The following COL27A1 variants were observed in gnomAD, a reference collection of about 807,000 sequenced individuals.
COL27A1 encodes collagen type XXVII alpha 1 chain.
In COL27A1, 106 loss-of-function variants were observed where a neutral mutation model predicts 251.3. The observed-to-expected ratio is 0.42, with a 90% CI of 0.36 to 0.50. The LOEUF is 0.50. Among genes scored for constraint, COL27A1 ranks in the 20% least tolerant of loss-of-function variants. The probability of loss-of-function intolerance (pLI) is 0.00; values close to 1 mark genes in which losing one functional copy is unlikely to be tolerated. For missense variants in COL27A1, 2,325 were observed against 2,522.8 expected, an observed-to-expected ratio of 0.92 and a Z score of 1.68; for synonymous variants, 1,000 against 986.3, an observed-to-expected ratio of 1.01 and a Z score of -0.26.
chr9:114,222,113 T>C (rs1054315183), intron 13 of COL27A1, 110 bp from the exon 14 acceptor site: 5 of 895,594 alleles, frequency 5.6e-6, no homozygotes, highest in Non-Finnish European at 9.2e-6. Context: ...GAATAAGGAG[T>C]GTTCAGCTCT....
intron 1 of COL27A1, among the ~76,000 whole-genome samples, chr9:114,160,240 C>T (rs543269234): frequency 3.3e-5 from 5 of 151,836 alleles, no homozygotes; most frequent in East Asian, 3.9e-4. Flanking sequence ...CTGCAAGCTC[C>T]GCCTCCTGGG....
At chr9:114,302,639 A>G (rs1337871096) in intron 56 of COL27A1, among the ~76,000 whole-genome samples, 1 of 150,806 alleles carries the variant, frequency 6.6e-6, no homozygotes. Context: ...ACCCGGGAGG[A>G]GGAGGCTGCA....
chr9:114,240,375 C>T, intron 20 of COL27A1, 59 bp from the exon 21 acceptor site: 1 of 1,596,124 alleles, frequency 6.3e-7, no homozygotes, highest in Admixed American at 1.7e-5. Context: ...GCCTTGCCAG[C>T]CTGCGATGGA....
At chr9:114,267,065 G>A (rs1834798373) in intron 33 of COL27A1, among the ~76,000 whole-genome samples, 1 of 152,172 alleles carries the variant, frequency 6.6e-6, no homozygotes, top group African/African-American at 2.4e-5. Context: ...TTTATGCAAG[G>A]GCTGCAGCCA....
At chr9:114,241,732 A>G (rs1233461304) in intron 21 of COL27A1, among the ~76,000 whole-genome samples, 1 of 152,226 alleles carries the variant, frequency 6.6e-6, no homozygotes, top group Non-Finnish European at 1.5e-5. Context: ...GGTGGCTGCA[A>G]GAAAGAATAA....
intron 27 of COL27A1, among the ~76,000 whole-genome samples, chr9:114,253,285 GAGAC>G (rs1034950468): frequency 1.9e-5 from 2 of 102,700 alleles, no homozygotes; most frequent in Non-Finnish European, 3.6e-5. Flanking sequence ...AAGAAAGAAA[GAGAC>G]AGAGAAAAAG....
intron 37 of COL27A1, among the ~76,000 whole-genome samples, chr9:114,276,100 T>C (rs996536026): frequency 1.3e-5 from 2 of 152,180 alleles, no homozygotes; most frequent in Admixed American, 6.5e-5. Flanking sequence ...GGCCTTTGCA[T>C]GTGCTCTGTC....
At position 114,290,400 on chromosome 9, in the gene COL27A1, C is replaced by A. The variant is rs1827835921; in HGVS notation, c.4368+69C>A. ...CCAGGTGTAGGGGAACTTCCCCAGG[C>A]CATGGGCCAGAGGAGCCCGTTTGGA... On this transcript the variant is annotated intron_variant, in intron 47 of 60. Transcript: ENST00000356083. This position sits in a 1 kb window ranked among gnomAD's most constrained non-coding sequence, Gnocchi z 4.6. 6 of 1,374,698 alleles carry A rather than the reference C, an allele frequency of 4.4e-6. No homozygotes were observed. Among genetic ancestry groups the A allele is most frequent in the Non-Finnish European group, 6.1e-6 (6 of 987,436 alleles). 85.2% of individuals were successfully genotyped at this position (1,374,698 alleles called of 1,614,324 possible).
intron 33 of COL27A1, among the ~76,000 whole-genome samples, 176 bp downstream of exon 33, chr9:114,266,794 C>A (rs549683774): frequency 1.1e-4 from 16 of 152,276 alleles, no homozygotes; most frequent in African/African-American, 3.6e-4. Flanking sequence ...TAGATCCATC[C>A]TGGTGGCATA....
intron 27 of COL27A1, among the ~76,000 whole-genome samples, chr9:114,258,224 T>C (rs1834076251): frequency 6.6e-6 from 1 of 152,196 alleles, no homozygotes; most frequent in Non-Finnish European, 1.5e-5. Flanking sequence ...CTTCTCATTG[T>C]TGATTTTGAG....
At chr9:114,270,208 C>G (rs1374663262) in intron 35 of COL27A1, among the ~76,000 whole-genome samples, 1 of 152,164 alleles carries the variant, frequency 6.6e-6, no homozygotes. Flanking sequence ...TTACAGCAAC[C>G]CTTGAAGAAG....
chr9:114,206,441 G>A (rs539401463), intron 10 of COL27A1, 145 bp downstream of exon 10: 1 of 801,070 alleles, frequency 1.2e-6, no homozygotes, highest in East Asian at 2.7e-5. Flanking sequence ...AGGGGCAGCA[G>A]GAGGGATGGG....
chr9:114,239,167 G>A (rs10982119), intron 19 of COL27A1, among the ~76,000 whole-genome samples: 5,441 of 152,334 alleles, frequency 0.036, 121 homozygotes, highest in Middle Eastern at 0.071. Flanking sequence ...GGGAGCTCCA[G>A]CTCTCCAGCA....
intron 52 of COL27A1, 22 bp from the exon 53 acceptor site, chr9:114,301,262 A>T: frequency 6.2e-7 from 1 of 1,611,824 alleles, no homozygotes; most frequent in Non-Finnish European, 8.5e-7. Flanking sequence ...GCCCTGTCTC[A>T]CTGGGCCGTG....
intron 43 of COL27A1, 71 bp downstream of exon 43, chr9:114,288,826 G>A (rs2131617870): frequency 1.2e-6 from 2 of 1,604,596 alleles, no homozygotes. Flanking sequence ...CACATGTCTA[G>A]AAAGAACAAG....
intron 8 of COL27A1, 117 bp from the exon 9 acceptor site, chr9:114,205,642 A>T: frequency 2.1e-6 from 2 of 948,846 alleles, no homozygotes; most frequent in Non-Finnish European, 3.4e-6. Flanking sequence ...CTCCTGTTCC[A>T]TCTCACATTC....
intron 7 of COL27A1, among the ~76,000 whole-genome samples, chr9:114,196,227 G>A (rs112345484): frequency 1.2e-4 from 18 of 152,292 alleles, no homozygotes; most frequent in East Asian, 7.7e-4. Context: ...CTCCCACCAC[G>A]GTTAATGAGG....
rs56094843 is a variant in COL27A1 at position 114,311,548 on chromosome 9, G to GAAAAAAAAAAAAAAAAAAAAA, written c.*870_*871insAAAAAAAAAAAAAAAAAAAAA. The GAAAAAAAAAAAAAAAAAAAAA allele has an allele frequency of 6.2e-5, 6 of 96,210 alleles. No individual in the cohort carries two copies. Among genetic ancestry groups the GAAAAAAAAAAAAAAAAAAAAA allele is most frequent in the Non-Finnish European group, 1.2e-4 (5 of 41,932 alleles). 6.0% of individuals were successfully genotyped at this position (96,210 alleles called of 1,614,324 possible). On this transcript the variant is annotated 3_prime_UTR_variant, in exon 61 of 61. Coordinates refer to ENST00000356083, the MANE Select transcript of COL27A1 (RefSeq NM_032888.4). ...AGGAGGAAAAAAGAAAAGAAAAAAG[G>GAAAAAAAAAAAAAAAAAAAAA]AAAAAAAAAAAAAAAAAGCAAAACA...
chr9:114,289,135 T>C (rs944692208), intron 44 of COL27A1, 107 bp from the exon 45 acceptor site: 11 of 1,382,474 alleles, frequency 8.0e-6, no homozygotes, highest in South Asian at 2.6e-5. Flanking sequence ...CCCCAGAACC[T>C]GCACCCCCAA....
Sources: gnomAD v4.1 joint callset for allele counts (sites outside exome capture counted in the v4.1 genomes callset) on GRCh38, gnomAD v4.1.1 for gene constraint, Gnocchi (gnomAD v3.1) non-coding constraint, MANE v1.5 for transcripts, NCBI Gene and HGNC (gene_info 2026-07-23, HGNC 2026-07-21) for gene names.